The following ALDH7A1 variants were observed in gnomAD, a reference collection of about 807,000 sequenced individuals.
The protein encoded by ALDH7A1 is alpha-aminoadipic semialdehyde dehydrogenase.
A neutral mutation model predicts 79.9 loss-of-function variants in ALDH7A1; 63 were observed. The observed-to-expected ratio is 0.79, with a 90% CI of 0.64 to 0.97. The LOEUF is 0.97. Ranked by LOEUF, ALDH7A1 falls within the 50% of genes least tolerant of loss-of-function variation. The probability of loss-of-function intolerance (pLI) is 0.00; values close to 1 mark genes in which losing one functional copy is unlikely to be tolerated. For missense variants in ALDH7A1, 627 were observed against 665.2 expected (o/e 0.94, Z 0.63); for synonymous variants, 240 against 231.2 (o/e 1.04, Z -0.34).
chr5:126,560,224 C>T (rs1750357932), intron 10 of ALDH7A1, among the ~76,000 whole-genome samples: 1 of 152,146 alleles, frequency 6.6e-6, no homozygotes. Context: ...GTAATCCCAG[C>T]ACTTTGGGAG....
At chr5:126,594,672 G>T (rs879057436) in intron 1 of ALDH7A1, among the ~76,000 whole-genome samples, 1 of 151,764 alleles carries the variant, frequency 6.6e-6, no homozygotes, top group Admixed American at 6.6e-5. Context: ...TCTTGAACTC[G>T]CTACCTCAGG....
Position 126,552,078 on chromosome 5 carries a change from A to G in ALDH7A1, c.1260T>C (p.Asp420=), listed in dbSNP as rs1365157011. Residue 420 remains aspartate, a synonymous_variant, in exon 14 of 18, where the codon GAT becomes GAC. Transcript: ENST00000409134. ...EPTIVTGLGH[D]ASIAHTETFA... ...AAGTCTCTGTGTGTGCAATGGACGC[A>G]TCGTGGCCAAGACCTGTCACAATTG... is the stretch of plus-strand genomic sequence containing the variant. The G allele has an allele frequency of 1.2e-6, 2 of 1,614,150 alleles. No homozygotes were observed. The highest frequency in any genetic ancestry group is 1.7e-4 in the Middle Eastern group (1 of 6,042).
intron 5 of ALDH7A1, chr5:126,580,072 A>G (rs1018327026): frequency 6.0e-6 from 1 of 167,556 alleles, no homozygotes; most frequent in East Asian, 1.9e-4. Context: ...CATATCCCCA[A>G]ATTGGAGGTT....
At chr5:126,582,201 A>G (rs1340320246) in intron 5 of ALDH7A1, 2 of 398,254 alleles carry the variant, frequency 5.0e-6, no homozygotes, top group Admixed American at 4.4e-5. Context: ...CACTACTTCC[A>G]TGGGGTACTA....
chr5:126,556,106 G>A (rs1750186993), intron 11 of ALDH7A1, 91 bp from the exon 12 acceptor site: 2 of 735,272 alleles, frequency 2.7e-6, no homozygotes, highest in Admixed American at 4.6e-5. Context: ...CTGAAATACT[G>A]TAATCTCTAA....
intron 4 of ALDH7A1, 97 bp downstream of exon 4, chr5:126,583,835 C>G (rs1751257230): frequency 2.9e-6 from 3 of 1,038,912 alleles, no homozygotes; most frequent in African/African-American, 3.3e-5. Context: ...AAGACTCCAT[C>G]TCAAAAAAAA....
rs375600645 is a variant in ALDH7A1 at position 126,589,716 on chromosome 5, C to T, written c.312+2948G>A. Among the ~76,000 whole-genome samples, 13 of 151,704 alleles carry T rather than the reference C, an allele frequency of 8.6e-5. No individual in the cohort carries two copies. The East Asian group carries it at 9.9e-4, about 12-fold the overall frequency. On this transcript the variant is annotated intron_variant, in intron 3 of 17. Coordinates refer to ENST00000409134, the MANE Select transcript of ALDH7A1 (RefSeq NM_001182.5). ...CTGGGATGTGAGGAGCGCCACTGCC[C>T]GGCCGCCCCACCATCTGGGAAGTGA...
rs1749612957 is a variant in ALDH7A1 at position 126,542,033 on chromosome 5, A to T, written c.*2932T>A. 1 of 151,922 alleles carries T rather than the reference A, an allele frequency of 6.6e-6. No individual in the cohort carries two copies. Among genetic ancestry groups the T allele is most frequent in the Admixed American group, 6.6e-5 (1 of 15,238 alleles). The allele number at this position is 151,922 out of a possible 1,614,324, so 9.4% of individuals were successfully genotyped here. ...AAATCTAGAATCCTATATTCAATCA[A>T]TATGGGGATAAAGTTCTTCCCCTTG... On this transcript the variant is annotated 3_prime_UTR_variant, in exon 18 of 18. Coordinates refer to ENST00000409134, the MANE Select transcript of ALDH7A1 (RefSeq NM_001182.5).
At chr5:126,559,434 G>T (rs201273263) in intron 10 of ALDH7A1, 100 bp from the exon 11 acceptor site, 401 of 442,664 alleles carry the variant, frequency 9.1e-4, no homozygotes, top group Non-Finnish European at 1.1e-3. Context: ...TTTGGTTTTG[G>T]TTTTTTTTTT....
chr5:126,551,880 T>C, intron 14 of ALDH7A1, 141 bp downstream of exon 14: 1 of 749,758 alleles, frequency 1.3e-6, no homozygotes, highest in Non-Finnish European at 2.3e-6. Flanking sequence ...TCTCATATTT[T>C]ATCCTGAACC....
intron 5 of ALDH7A1, among the ~76,000 whole-genome samples, chr5:126,578,638 C>CAAAAAAAAAAAAAAAAAA (rs70994880): frequency 3.3e-5 from 3 of 90,394 alleles, no homozygotes; most frequent in African/African-American, 1.0e-4. Flanking sequence ...GACCCTGTAT[C>CAAAAAAAAAAAAAAAAAA]AAAAAAAAAA....
chr5:126,593,922 G>A (rs944222571), intron 1 of ALDH7A1: 1 of 271,526 alleles, frequency 3.7e-6, no homozygotes, highest in Non-Finnish European at 7.3e-6. Flanking sequence ...GAAACACCGA[G>A]GTCTGAGGAG....
At chr5:126,573,470 C>T (rs929960249) in intron 7 of ALDH7A1, among the ~76,000 whole-genome samples, 3 of 151,884 alleles carry the variant, frequency 2.0e-5, no homozygotes, top group South Asian at 2.1e-4. Flanking sequence ...GAGGCTGAGG[C>T]GGGCAGATCA....
intron 16 of ALDH7A1, among the ~76,000 whole-genome samples, chr5:126,548,138 ACT>A (rs957107246): frequency 2.6e-5 from 4 of 152,046 alleles, no homozygotes; most frequent in Admixed American, 6.6e-5. Context: ...CCATTATAAG[ACT>A]TTTTTAAAAC....
rs1749616463 is a variant in ALDH7A1 at position 126,542,104 on chromosome 5, A to C, written c.*2861T>G. The C allele has an allele frequency of 6.6e-6, 1 of 151,670 alleles. No homozygotes were observed. Among genetic ancestry groups the C allele is most frequent in the South Asian group, 2.1e-4 (1 of 4,774 alleles). The allele number at this position is 151,670 out of a possible 1,614,324, so 9.4% of individuals were successfully genotyped here. On this transcript the variant is annotated 3_prime_UTR_variant, in exon 18 of 18. Coordinates refer to ENST00000409134, the MANE Select transcript of ALDH7A1 (RefSeq NM_001182.5). ...GTTTTCTTTTAATTTCCTCCAAAAC[A>C]ATCATTGGCAGGAAGCTTCTGCAGG... is the stretch of plus-strand genomic sequence containing the variant.
At chr5:126,570,709 T>G in intron 8 of ALDH7A1, 73 bp downstream of exon 8, 1 of 1,384,600 alleles carries the variant, frequency 7.2e-7, no homozygotes, top group Non-Finnish European at 1.0e-6. Flanking sequence ...GAGTTCATTA[T>G]TCTAGTAACG....
chr5:126,570,768 G>A lies in ALDH7A1; in HGVS notation c.773+14C>T, dbSNP rs1561660404. ...GGTCCTTCAACAGAGGATGCTCTCA[G>A]CCTAGTAACCTACCCAATATCTGCT... On this transcript the variant is annotated intron_variant, in intron 8 of 17. Transcript: ENST00000409134. 1 of 1,613,520 alleles carries A rather than the reference G, an allele frequency of 6.2e-7. No homozygotes were observed. Among genetic ancestry groups the A allele is most frequent in the Non-Finnish European group, 8.5e-7 (1 of 1,179,634 alleles).
Position 126,552,142 on chromosome 5 carries a change from T to C in ALDH7A1, c.1201-5A>G, listed in dbSNP as rs753508557. 7.5e-6 allele frequency: 12 copies of C among 1,608,590 alleles called. No individual in the cohort carries two copies. Among genetic ancestry groups the C allele is most frequent in the Middle Eastern group, 3.3e-4 (2 of 6,052 alleles). On this transcript the variant is annotated splice_region_variant and splice_polypyrimidine_tract_variant and intron_variant, in intron 13 of 17. Coordinates refer to ENST00000409134, the MANE Select transcript of ALDH7A1 (RefSeq NM_001182.5). ...ATTTCCAGGGCGATCCATAACCTAA[T>C]GCAGAGAAATGAAATAAAAAGAATG...
chr5:126,570,762 C>T lies in ALDH7A1; in HGVS notation c.773+20G>A. On this transcript the variant is annotated intron_variant, in intron 8 of 17. Coordinates refer to ENST00000409134, the MANE Select transcript of ALDH7A1 (RefSeq NM_001182.5). ...ACCTGGGGTCCTTCAACAGAGGATG[C>T]TCTCAGCCTAGTAACCTACCCAATA... 6.2e-7 allele frequency: 1 copy of T among 1,613,154 alleles called. No individual in the cohort carries two copies. Among genetic ancestry groups the T allele is most frequent in the South Asian group, 1.1e-5 (1 of 91,070 alleles).
Sources: allele counts gnomAD v4.1 joint callset (sites outside exome capture counted in the v4.1 genomes callset), GRCh38; gene constraint gnomAD v4.1.1; transcripts MANE v1.5; gene names NCBI Gene and HGNC (gene_info 2026-07-23, HGNC 2026-07-21).